ROR2: variants seen among roughly 807,000 people sequenced by gnomAD.
The protein encoded by ROR2 is tyrosine-protein kinase transmembrane receptor ROR2.
ROR2 carries 33 observed loss-of-function variants against 74.9 expected under a neutral mutation model. The ratio of observed to expected loss-of-function variants is 0.44; its 90% CI spans 0.33 to 0.59. The LOEUF is 0.59. Ranked by LOEUF, ROR2 falls within the 20% of genes least tolerant of loss-of-function variation. ROR2 has a pLI of 0.02. For synonymous variants in ROR2, 586 were observed against 558.7 expected, an observed-to-expected ratio of 1.05 and a Z score of -0.69; for missense variants, 1,216 against 1,313.8, an observed-to-expected ratio of 0.93 and a Z score of 1.15.
At chr9:91,865,910 C>T (rs144211698) in intron 1 of ROR2, among the ~76,000 whole-genome samples, 1 of 152,174 alleles carries the variant, frequency 6.6e-6, no homozygotes, top group African/African-American at 2.4e-5. Context: ...ATATATGACT[C>T]TAACATGGGA....
At chr9:91,747,978 G>A (rs1376195423) in intron 4 of ROR2, among the ~76,000 whole-genome samples, 1 of 152,098 alleles carries the variant, frequency 6.6e-6, no homozygotes, top group African/African-American at 2.4e-5. Context: ...GTTAGAAGGA[G>A]GACTAAGGTC....
At chr9:91,788,955 T>C (rs1301145078) in intron 1 of ROR2, among the ~76,000 whole-genome samples, 1 of 151,200 alleles carries the variant, frequency 6.6e-6, no homozygotes, top group Non-Finnish European at 1.5e-5. Flanking sequence ...GAGAGTAGAA[T>C]AGTGGCCACT....
rs545377230 is a variant in ROR2, at chr9:91,782,117, C to CCGCA, written c.98-6303_98-6300dup. On this transcript the variant is annotated intron_variant, in intron 1 of 8. Coordinates refer to ENST00000375708, the MANE Select transcript of ROR2 (RefSeq NM_004560.4). ...CCTGGCCGGGCTGGGAGGCCAAATG[C>CCGCA]CGCACCTCCACCCCCACCAGATACA... Among the ~76,000 whole-genome samples the CCGCA allele has an allele frequency of 1.8e-4, 28 of 152,364 alleles. No individual in the cohort carries two copies. In the East Asian group the frequency reaches 5.4e-3, roughly 29 times the overall value.
chr9:91,905,847 A>G lies in ROR2; in HGVS notation c.97+44020T>C, dbSNP rs1830801566. Reference sequence around the variant, plus strand: ...CAACTTTTTTTTTTTAAGAGCTAAGAGCAGAGCCTCTCCTGGGGAATTCTT... The same window carrying G: ...CAACTTTTTTTTTTTAAGAGCTAAGGGCAGAGCCTCTCCTGGGGAATTCTT... On this transcript the variant is annotated intron_variant, in intron 1 of 8. Transcript: ENST00000375708. The surrounding 1 kb of genome is among the most constrained non-coding windows in gnomAD (Gnocchi z 5.3). Among the ~76,000 whole-genome samples, 1 of 152,080 alleles carries G rather than the reference A, an allele frequency of 6.6e-6. No individual in the cohort carries two copies. The highest frequency in any genetic ancestry group is 2.4e-5 in the African/African-American group (1 of 41,412).
rs555081800 is a variant in ROR2 at position 91,839,460 on chromosome 9, A to G, written c.98-63642T>C. 4.1e-4 allele frequency among the ~76,000 whole-genome samples: 61 copies of G among 147,672 alleles called. 2 individuals are homozygous for G. In the South Asian group the frequency reaches 0.013, roughly 32 times the overall value. On this transcript the variant is annotated intron_variant, in intron 1 of 8. Transcript: ENST00000375708. The stretch of plus-strand genomic sequence containing the variant: ...GTGTGGGGTGTCTATGTGTGTGTGT[A>G]TATGTGAGGTGTATACGCGTGAGGA...
chr9:91,831,254 C>A (rs1399939903), intron 1 of ROR2, among the ~76,000 whole-genome samples: 1 of 147,690 alleles, frequency 6.8e-6, no homozygotes, highest in African/African-American at 2.6e-5. Context: ...AAGAGCGAAA[C>A]TCCATCTCAA....
intron 1 of ROR2, among the ~76,000 whole-genome samples, chr9:91,823,760 G>A (rs779067611): frequency 1.8e-4 from 27 of 152,334 alleles, no homozygotes; most frequent in Admixed American, 4.6e-4. Context: ...AAGACGGGAA[G>A]GAATAAGGAG....
intron 1 of ROR2, among the ~76,000 whole-genome samples, chr9:91,780,046 G>C (rs1307210937): frequency 6.6e-6 from 1 of 152,218 alleles, no homozygotes; most frequent in East Asian, 1.9e-4. Context: ...GCTGTTAAGA[G>C]AGTCACATCA....
Position 91,950,113 on chromosome 9 carries a change from T to G in ROR2, c.-150A>C. 1 of 425,208 alleles carries G rather than the reference T, an allele frequency of 2.4e-6. No homozygotes were observed. Among genetic ancestry groups the G allele is most frequent in the Non-Finnish European group, 4.1e-6 (1 of 245,942 alleles). 26.3% of individuals were successfully genotyped at this position (425,208 alleles called of 1,614,324 possible). A position where few individuals can be genotyped will look rare whatever the true frequency, so the allele number is the denominator to read the frequency against. ...CTTCGAGGACCTCGTCGTCGTCCTC[T>G]TCTCCGGCCCGGATGCGCCGCTCGG... is the stretch of plus-strand genomic sequence containing the variant. On this transcript the variant is annotated 5_prime_UTR_variant, in exon 1 of 9. Coordinates refer to ENST00000375708, the MANE Select transcript of ROR2 (RefSeq NM_004560.4).
chr9:91,933,307 CTG>C (rs1401114406), intron 1 of ROR2, among the ~76,000 whole-genome samples: 1 of 152,060 alleles, frequency 6.6e-6, no homozygotes, highest in African/African-American at 2.4e-5. Flanking sequence ...CAGGGCCAGA[CTG>C]TCTCAAAAAA....
intron 1 of ROR2, among the ~76,000 whole-genome samples, chr9:91,803,452 TTGGAGAC>T (rs1406734279): frequency 6.6e-6 from 1 of 152,216 alleles, no homozygotes; most frequent in East Asian, 1.9e-4. Context: ...GAAAACAGTT[TTGGAGAC>T]TGGTCACACA....
intron 1 of ROR2, among the ~76,000 whole-genome samples, chr9:91,895,337 T>C (rs968677379): frequency 6.6e-6 from 1 of 152,172 alleles, no homozygotes; most frequent in Non-Finnish European, 1.5e-5. Flanking sequence ...ACACATATCA[T>C]TTTACATTTG....
intron 1 of ROR2, chr9:91,948,860 G>A (rs1832085554): frequency 1.0e-6 from 1 of 985,266 alleles, no homozygotes; most frequent in African/African-American, 1.7e-5. Context: ...CACCCCCGCA[G>A]GGTGCCGAGA....
intron 1 of ROR2, among the ~76,000 whole-genome samples, chr9:91,792,305 A>AT (rs1166828840): frequency 0.013 from 1,669 of 129,782 alleles, 11 homozygotes; most frequent in East Asian, 0.019. Context: ...AGTTGGTTCT[A>AT]TTTTTTTTTT....
intron 1 of ROR2, among the ~76,000 whole-genome samples, chr9:91,869,180 C>G (rs753335298): frequency 5.3e-5 from 8 of 152,144 alleles, no homozygotes; most frequent in Non-Finnish European, 1.2e-4. Context: ...GCCTCAAACT[C>G]CTGAGCACCT....
At chr9:91,732,261 T>A (rs1837269096) in intron 6 of ROR2, among the ~76,000 whole-genome samples, 1 of 152,196 alleles carries the variant, frequency 6.6e-6, no homozygotes, top group Non-Finnish European at 1.5e-5. Context: ...ATGGTTTTCC[T>A]CGGAGACATA....
At chr9:91,895,846 A>G (rs1021799301) in intron 1 of ROR2, among the ~76,000 whole-genome samples, 2 of 152,246 alleles carry the variant, frequency 1.3e-5, no homozygotes, top group Admixed American at 1.3e-4. Flanking sequence ...TCTGTCTCAA[A>G]AAAGAAAAAA....
intron 1 of ROR2, among the ~76,000 whole-genome samples, chr9:91,895,822 C>T (rs944406457): frequency 2.6e-5 from 4 of 152,226 alleles, no homozygotes; most frequent in South Asian, 2.1e-4. Context: ...CCAGCCTGGG[C>T]GGCTGAGCGA....
chr9:91,874,263 C>T (rs925778958), intron 1 of ROR2, among the ~76,000 whole-genome samples: 1 of 152,204 alleles, frequency 6.6e-6, no homozygotes, highest in Non-Finnish European at 1.5e-5. Context: ...CACTTGGCCA[C>T]CTGCACCGGT....
Sources: allele counts gnomAD v4.1 joint callset (sites outside exome capture counted in the v4.1 genomes callset), GRCh38; gene constraint gnomAD v4.1.1; non-coding constraint Gnocchi (gnomAD v3.1); transcripts MANE v1.5; gene names NCBI Gene and HGNC (gene_info 2026-07-23, HGNC 2026-07-21).